TAF1: variants seen among roughly 807,000 people sequenced by gnomAD.
TAF1 encodes TATA-box binding protein associated factor 1.
Under a neutral mutation model 138.5 loss-of-function variants are expected in TAF1, and 2 were observed. The observed-to-expected ratio is 0.01, with a 90% CI of 0.01 to 0.05. The LOEUF (loss-of-function observed/expected upper bound fraction) is 0.05. Ranked by LOEUF, TAF1 falls within the 10% of genes least tolerant of loss-of-function variation. The pLI is 1.00. For synonymous variants in TAF1, 437 were observed against 503.2 expected (o/e 0.87, Z 1.76); for missense variants, 709 against 1,478.0 (o/e 0.48, Z 8.53).
intron 32 of TAF1, among the ~76,000 whole-genome samples, chrX:71,440,191 G>T (rs1335799477): frequency 1.8e-5 from 2 of 111,761 alleles, no homozygotes; most frequent in Non-Finnish European, 3.8e-5. Flanking sequence ...AAATGGAATA[G>T]TATAATATGT....
intron 4 of TAF1, 109 bp downstream of exon 4, chrX:71,375,395 C>G: frequency 1.0e-6 from 1 of 992,647 alleles, no homozygotes; most frequent in Non-Finnish European, 1.3e-6. Context: ...AGGGACAAAA[C>G]TTCTAGAAAT....
At chrX:71,394,468 T>G (rs2034739161) in intron 22 of TAF1, among the ~76,000 whole-genome samples, 1 of 112,655 alleles carries the variant, frequency 8.9e-6, no homozygotes, top group Non-Finnish European at 1.9e-5. Context: ...TGCCTCTGTA[T>G]CAGGTGCCTG....
chrX:71,382,400 G>A (rs968240976), intron 9 of TAF1, 136 bp from the exon 10 acceptor site: 8 of 858,402 alleles, frequency 9.3e-6, no homozygotes, highest in East Asian at 3.4e-5. Context: ...GTTACCTGGG[G>A]GGGGGTGGGA....
At chrX:71,373,203 T>C (rs2033218100) in intron 3 of TAF1, among the ~76,000 whole-genome samples, 1 of 100,085 alleles carries the variant, frequency 1.0e-5, no homozygotes, top group Non-Finnish European at 2.0e-5. Context: ...AATCTTACTG[T>C]GTTGCCCAGG....
At chrX:71,421,199 G>A (rs1398858341) in intron 28 of TAF1, 110 bp from the exon 29 acceptor site, 1 of 648,205 alleles carries the variant, frequency 1.5e-6, no homozygotes, top group Non-Finnish European at 2.5e-6. Context: ...AGTTAGCCTG[G>A]TGCCTGACAC....
chrX:71,396,403 A>G (rs1465104638), intron 22 of TAF1, among the ~76,000 whole-genome samples: 1 of 104,442 alleles, frequency 9.6e-6, no homozygotes. Context: ...GGCTCAAGGG[A>G]TCCTCCCACC....
chrX:71,383,926 T>A (rs1252774152), intron 12 of TAF1, 36 bp from the exon 13 acceptor site: 14 of 1,190,983 alleles, frequency 1.2e-5, no homozygotes, highest in Non-Finnish European at 1.6e-5. Flanking sequence ...TAGTGTCCTG[T>A]CAGGAGCTAG....
At position 71,518,334 on chromosome X, in the gene TAF1, AT is replaced by A. The variant is rs760782149; in HGVS notation, c.1367-10200del. The stretch of plus-strand genomic sequence containing the variant: ...AGGCGAGTGCCACCATGCCCAGCTA[AT>A]TTTTTTTGTATTTTAGTAGAGACGG... On this transcript the variant is annotated intron_variant and NMD_transcript_variant, in intron 13 of 14. Transcript: ENST00000373775. 3.8e-4 allele frequency among the ~76,000 whole-genome samples: 42 copies of A among 109,346 alleles called. 2 individuals are homozygous for A. Among genetic ancestry groups the A allele is most frequent in the Admixed American group, 3.0e-3 (31 of 10,223 alleles). The allele number at this position is 109,346 out of a possible 115,157, so 95.0% of individuals were successfully genotyped here.
At position 71,480,586 on chromosome X, in the gene TAF1, G is replaced by A. The variant is rs1462100111; in HGVS notation, c.1366+19783G>A. On this transcript the variant is annotated intron_variant and NMD_transcript_variant, in intron 13 of 14. Transcript: ENST00000373775. ...TAAATATTTATTAAGTGAATACTAC[G>A]TACCAAGATTAATCTAAGTGCTGGA... Among the ~76,000 whole-genome samples, 7 of 111,625 alleles carry A rather than the reference G, an allele frequency of 6.3e-5. No individual in the cohort carries two copies. In the East Asian group the frequency reaches 8.4e-4, roughly 13 times the overall value.
At position 71,378,712 on chromosome X, in the gene TAF1, C is replaced by G. The variant is rs781536659; in HGVS notation, c.1153-112C>G. ...TTCCTCCGTTATCAGGTGGTTGTTT[C>G]AAGTAAAGGACCACTTACAATGTGT... is the stretch of plus-strand genomic sequence containing the variant. On this transcript the variant is annotated intron_variant, in intron 7 of 37. Coordinates refer to ENST00000423759, the MANE Select transcript of TAF1 (RefSeq NM_004606.5). The G allele has an allele frequency of 4.7e-6, 4 of 851,741 alleles. No homozygotes were observed. The African/African-American group carries it at 8.1e-5, about 17-fold the overall frequency. 70.2% of individuals were successfully genotyped at this position (851,741 alleles called of 1,213,427 possible).
intron 13 of TAF1, among the ~76,000 whole-genome samples, chrX:71,523,562 C>T (rs1432799710): frequency 8.9e-6 from 1 of 111,928 alleles, no homozygotes; most frequent in Non-Finnish European, 1.9e-5. Context: ...TATGGCTATA[C>T]AAAGCACATC....
intron 37 of TAF1, among the ~76,000 whole-genome samples, chrX:71,461,447 CATG>C (rs1163400055): frequency 9.0e-6 from 1 of 110,745 alleles, no homozygotes; most frequent in African/African-American, 3.3e-5. Context: ...ATGTGGGACA[CATG>C]ATGAGGATAT....
intron 28 of TAF1, among the ~76,000 whole-genome samples, chrX:71,418,690 G>A (rs1388065171): frequency 9.0e-6 from 1 of 111,098 alleles, no homozygotes; most frequent in Non-Finnish European, 1.9e-5. Context: ...GCATTCATAA[G>A]CAGGGAGTGT....
chrX:71,501,895 A>G lies in TAF1; in HGVS notation c.1367-26647A>G, dbSNP rs1049992323. Among the ~76,000 whole-genome samples, 7 of 111,617 alleles carry G rather than the reference A, an allele frequency of 6.3e-5. 1 individual carries two copies. ...GTCCAGTGGTACTCACTGCTTGACAATAGTCCCATCTGGGTCGCCAGGATG... is the reference window on the plus strand; with the variant it reads ...GTCCAGTGGTACTCACTGCTTGACAGTAGTCCCATCTGGGTCGCCAGGATG... On this transcript the variant is annotated intron_variant and NMD_transcript_variant, in intron 13 of 14. Coordinates refer to the TAF1 transcript ENST00000373775.
At chrX:71,388,104 A>G in intron 15 of TAF1, 133 bp from the exon 16 acceptor site, 1 of 957,931 alleles carries the variant, frequency 1.0e-6, no homozygotes, top group Non-Finnish European at 1.4e-6. Flanking sequence ...CGTCTCAGAA[A>G]AAGTAGGCTG....
At chrX:71,474,309 G>T (rs1198205594) in intron 13 of TAF1, among the ~76,000 whole-genome samples, 3 of 111,546 alleles carry the variant, frequency 2.7e-5, no homozygotes, top group Non-Finnish European at 5.7e-5. Flanking sequence ...GATTAGCCCT[G>T]GTTTCAGAGT....
chrX:71,485,325 A>G (rs1196427162), intron 13 of TAF1, among the ~76,000 whole-genome samples: 1 of 112,379 alleles, frequency 8.9e-6, no homozygotes. Flanking sequence ...CCCTGTTTTC[A>G]ATTCATTTGA....
intron 32 of TAF1, among the ~76,000 whole-genome samples, chrX:71,435,064 C>CT (rs2037073601): frequency 8.9e-6 from 1 of 112,337 alleles, no homozygotes; most frequent in Admixed American, 9.5e-5. Flanking sequence ...TGAGATTCCT[C>CT]TTTCCCAAAG....
chrX:71,485,344 C>T (rs2039151695), intron 13 of TAF1, among the ~76,000 whole-genome samples: 1 of 111,705 alleles, frequency 9.0e-6, no homozygotes, highest in Non-Finnish European at 1.9e-5. Context: ...GAATATATAC[C>T]TAGGCGTGGA....
Sources: gnomAD v4.1 joint callset for allele counts (sites outside exome capture counted in the v4.1 genomes callset) on GRCh38, gnomAD v4.1.1 for gene constraint, MANE v1.5 for transcripts, NCBI Gene and HGNC (gene_info 2026-07-23, HGNC 2026-07-21) for gene names.